XKR9: variants seen among roughly 807,000 people sequenced by gnomAD.
XKR9 encodes the protein XK-related protein 9.
A neutral mutation model predicts 32.0 loss-of-function variants in XKR9; 32 were observed. The ratio of observed to expected loss-of-function variants is 1.00; its 90% CI spans 0.76 to 1.34. The LOEUF (loss-of-function observed/expected upper bound fraction) is 1.34. Ranked by LOEUF, XKR9 falls within the 40% of genes most tolerant of loss-of-function variation. The probability of loss-of-function intolerance (pLI) is 0.00; values close to 1 mark genes in which losing one functional copy is unlikely to be tolerated. For missense variants in XKR9, 546 were observed against 429.7 expected (o/e 1.27, Z -2.39); for synonymous variants, 168 against 143.4 (o/e 1.17, Z -1.22).
chr8:70,721,635 G>A (rs978047052), intron 4 of XKR9, among the ~76,000 whole-genome samples: 5 of 152,142 alleles, frequency 3.3e-5, no homozygotes, highest in African/African-American at 1.2e-4. Flanking sequence ...TTAATCCTGA[G>A]TTCTAATTTG....
At chr8:70,847,227 A>C in the XKR9 span, among the ~76,000 whole-genome samples, 2 of 152,084 alleles carry the variant, frequency 1.3e-5, no homozygotes, top group African/African-American at 4.8e-5. Flanking sequence ...ATTAAATAAC[A>C]TGCCCCTGAA....
chr8:70,767,504 T>C (rs1468103391), intron 2 of XKR9, among the ~76,000 whole-genome samples: 1 of 141,742 alleles, frequency 7.1e-6, no homozygotes, highest in Non-Finnish European at 1.6e-5. Context: ...TTCTTTTTTT[T>C]TTTTTTTTTT....
chr8:70,858,582 G>A, the XKR9 span, among the ~76,000 whole-genome samples: 1 of 152,078 alleles, frequency 6.6e-6, no homozygotes, highest in African/African-American at 2.4e-5. Context: ...CAATGCTGGA[G>A]GCATCACATT....
At chr8:70,920,943 C>T in the XKR9 span, among the ~76,000 whole-genome samples, 201 of 152,234 alleles carry the variant, frequency 1.3e-3, no homozygotes, top group African/African-American at 4.4e-3. Flanking sequence ...ATGAGATAAA[C>T]CAGTGAGCCA....
the XKR9 span, among the ~76,000 whole-genome samples, chr8:71,052,625 T>C: frequency 6.6e-5 from 10 of 152,144 alleles, no homozygotes; most frequent in African/African-American, 2.4e-4. Context: ...CAGACAGTCT[T>C]TATAGGAAGG....
chr8:70,955,688 G>T, the XKR9 span, among the ~76,000 whole-genome samples: 1 of 152,164 alleles, frequency 6.6e-6, no homozygotes, highest in African/African-American at 2.4e-5. Context: ...TGCCCCCTCA[G>T]CCTGGCAGGC....
the XKR9 span, among the ~76,000 whole-genome samples, chr8:70,901,884 C>T: frequency 3.9e-5 from 6 of 152,166 alleles, no homozygotes; most frequent in Non-Finnish European, 1.5e-5. Context: ...TAAGGCTAGC[C>T]AGTTTTCCCA....
chr8:71,005,512 C>T, the XKR9 span, among the ~76,000 whole-genome samples: 1 of 152,096 alleles, frequency 6.6e-6, no homozygotes, highest in African/African-American at 2.4e-5. Flanking sequence ...GATTGAGCCA[C>T]CACATCCTGT....
the XKR9 span, among the ~76,000 whole-genome samples, chr8:71,062,160 A>C: frequency 6.6e-6 from 1 of 152,092 alleles, no homozygotes; most frequent in Non-Finnish European, 1.5e-5. Context: ...GTTGGTGGCC[A>C]TTTTGCCGTC....
chr8:70,706,165 G>A (rs1172603193), intron 3 of XKR9, among the ~76,000 whole-genome samples: 1 of 152,032 alleles, frequency 6.6e-6, no homozygotes, highest in Non-Finnish European at 1.5e-5. Flanking sequence ...GATAAGCTTT[G>A]GGGGAAGAAT....
the XKR9 span, among the ~76,000 whole-genome samples, chr8:71,064,581 A>G: frequency 6.6e-6 from 1 of 152,080 alleles, no homozygotes; most frequent in Non-Finnish European, 1.5e-5. Context: ...TTTCTCCCAC[A>G]TTCTTTAACA....
At chr8:70,779,134 G>C (rs1807577232) in intron 2 of XKR9, among the ~76,000 whole-genome samples, 1 of 152,112 alleles carries the variant, frequency 6.6e-6, no homozygotes, top group Admixed American at 6.6e-5. Context: ...TCAATACCTA[G>C]TTTACTGAGA....
chr8:71,036,392 A>G, the XKR9 span, among the ~76,000 whole-genome samples: 1 of 152,186 alleles, frequency 6.6e-6, no homozygotes, highest in Non-Finnish European at 1.5e-5. Context: ...TTAAGTTGTT[A>G]CAAACATAAA....
chr8:70,759,080 T>C (rs1807269339), intron 2 of XKR9, among the ~76,000 whole-genome samples: 1 of 152,246 alleles, frequency 6.6e-6, no homozygotes, highest in African/African-American at 2.4e-5. Context: ...TTTTCATGGC[T>C]GGTTAGTGCC....
At chr8:71,022,606 T>C in the XKR9 span, among the ~76,000 whole-genome samples, 60 of 152,214 alleles carry the variant, frequency 3.9e-4, no homozygotes, top group Middle Eastern at 3.2e-3. Context: ...GAAAACCTTT[T>C]TGGGTTGTAT....
the XKR9 span, among the ~76,000 whole-genome samples, chr8:70,927,084 T>C: frequency 2.6e-5 from 4 of 151,996 alleles, no homozygotes; most frequent in Non-Finnish European, 5.9e-5. Flanking sequence ...TACATAAATA[T>C]GAAATGTGTA....
the XKR9 span, among the ~76,000 whole-genome samples, chr8:71,060,619 G>C: frequency 6.6e-6 from 1 of 152,082 alleles, no homozygotes; most frequent in Non-Finnish European, 1.5e-5. Context: ...TGGCAATTAG[G>C]GGACATTTCT....
At chr8:70,755,075 C>G (rs1807199962) in intron 2 of XKR9, among the ~76,000 whole-genome samples, 1 of 152,050 alleles carries the variant, frequency 6.6e-6, no homozygotes, top group Admixed American at 6.6e-5. Flanking sequence ...AAGAAAAAAA[C>G]AACCCCATCA....
the XKR9 span, among the ~76,000 whole-genome samples, chr8:70,818,784 C>A: frequency 6.6e-6 from 1 of 152,138 alleles, no homozygotes; most frequent in East Asian, 1.9e-4. Context: ...TCTGCTAAGT[C>A]ATTACTAGGG....
Sources: allele counts gnomAD v4.1 joint callset (sites outside exome capture counted in the v4.1 genomes callset), GRCh38; gene constraint gnomAD v4.1.1; transcripts MANE v1.5; gene names NCBI Gene and HGNC (gene_info 2026-07-23, HGNC 2026-07-21).